TRDN: variants seen among roughly 807,000 people sequenced by gnomAD.
The protein encoded by TRDN is triadin.
TRDN carries 161 observed loss-of-function variants against 149.7 expected under a neutral mutation model. That is an observed-to-expected ratio of 1.08 (90% CI 0.95 to 1.23). TRDN has a LOEUF of 1.23. TRDN is among the 50% of genes most tolerant of loss of function. The pLI is 0.00. For synonymous variants in TRDN, 294 were observed against 250.5 expected (o/e 1.17, Z -1.64); for missense variants, 896 against 823.5 (o/e 1.09, Z -1.08).
chr6:123,449,028 C>G (rs1775591018), intron 10 of TRDN, among the ~76,000 whole-genome samples: 1 of 152,028 alleles, frequency 6.6e-6, no homozygotes, highest in South Asian at 2.1e-4. Flanking sequence ...GGGGAGAGTA[C>G]TACATCAAGA....
chr6:123,217,890 T>C lies in TRDN; in HGVS notation c.*711A>G, dbSNP rs1033334614. On this transcript the variant is annotated 3_prime_UTR_variant, in exon 41 of 41. Coordinates refer to ENST00000334268, the MANE Select transcript of TRDN (RefSeq NM_006073.4). Reference sequence around the variant, plus strand: ...CAAACGATTCACCAGACCTGACTAATTGAATGGTGTATTTCCACTGGACTG... The same window carrying C: ...CAAACGATTCACCAGACCTGACTAACTGAATGGTGTATTTCCACTGGACTG... The C allele has an allele frequency of 2.6e-5, 4 of 151,974 alleles. No individual in the cohort carries two copies. The highest frequency in any genetic ancestry group is 2.1e-4 in the South Asian group (1 of 4,830). The allele number at this position is 151,974 out of a possible 1,614,324, so 9.4% of individuals were successfully genotyped here.
At chr6:123,224,629 GA>G (rs1487801738) in intron 38 of TRDN, among the ~76,000 whole-genome samples, 8 of 151,642 alleles carry the variant, frequency 5.3e-5, no homozygotes. Context: ...ACTAATCTTT[GA>G]AAAAGGTACC....
Position 123,226,480 on chromosome 6 carries a change from CA to C in TRDN, c.1976-2350del, listed in dbSNP as rs569755654. Among the ~76,000 whole-genome samples, 5 of 151,860 alleles carry C rather than the reference CA, an allele frequency of 3.3e-5. No homozygotes were observed. The South Asian group carries it at 1.0e-3, about 31-fold the overall frequency. On this transcript the variant is annotated intron_variant, in intron 38 of 40. Coordinates refer to ENST00000334268, the MANE Select transcript of TRDN (RefSeq NM_006073.4). The stretch of plus-strand genomic sequence containing the variant: ...TTTATTACCACTAGAAAAATAAATA[CA>C]AATGGAAGGAATAAAGACCTCAGTG...
chr6:123,349,355 G>A (rs1050021179), intron 21 of TRDN: 2 of 182,744 alleles, frequency 1.1e-5, no homozygotes, highest in South Asian at 1.8e-4. Flanking sequence ...TCTTCTCTCC[G>A]AAGCCCATGC....
At chr6:123,331,824 C>T in intron 23 of TRDN, 55 bp downstream of exon 23, 1 of 1,175,186 alleles carries the variant, frequency 8.5e-7, no homozygotes, top group Non-Finnish European at 1.2e-6. Context: ...TTGCAAATAA[C>T]TGAATATGCA....
At chr6:123,448,688 G>T (rs1458935648) in intron 10 of TRDN, among the ~76,000 whole-genome samples, 1 of 151,930 alleles carries the variant, frequency 6.6e-6, no homozygotes, top group African/African-American at 2.4e-5. Context: ...GCCCACTACT[G>T]GTCCCTCTCC....
intron 36 of TRDN, among the ~76,000 whole-genome samples, chr6:123,255,480 A>G (rs981985706): frequency 3.3e-4 from 50 of 152,282 alleles, no homozygotes; most frequent in Non-Finnish European, 4.9e-4. Flanking sequence ...AAACTATTTG[A>G]TAATTAAGAC....
chr6:123,528,199 A>G (rs1273863173), intron 5 of TRDN, among the ~76,000 whole-genome samples: 2 of 151,932 alleles, frequency 1.3e-5, no homozygotes, highest in Admixed American at 1.3e-4. Flanking sequence ...ACACTATAAA[A>G]TCAATTAGTT....
At chr6:123,270,406 A>G (rs1327303608) in intron 30 of TRDN, among the ~76,000 whole-genome samples, 2 of 151,928 alleles carry the variant, frequency 1.3e-5, no homozygotes, top group Admixed American at 1.3e-4. Flanking sequence ...TTATCTGATT[A>G]TCTCAGGGAA....
At chr6:123,457,436 G>T in intron 10 of TRDN, 1 of 338,280 alleles carries the variant, frequency 3.0e-6, no homozygotes, top group Non-Finnish European at 5.7e-6. Context: ...ATCAATAACA[G>T]GAAATCAAAA....
At chr6:123,574,427 T>C (rs1053383285) in intron 1 of TRDN, among the ~76,000 whole-genome samples, 3 of 151,964 alleles carry the variant, frequency 2.0e-5, no homozygotes, top group Non-Finnish European at 2.9e-5. Context: ...TTGTGCCAAA[T>C]TCACATCACT....
chr6:123,610,512 A>AT (rs1386761012), intron 1 of TRDN, among the ~76,000 whole-genome samples: 2 of 152,136 alleles, frequency 1.3e-5, no homozygotes, highest in Admixed American at 1.3e-4. Flanking sequence ...AAGGTAAGCA[A>AT]TTTTTTTCAT....
chr6:123,519,031 A>G (rs933371977), intron 5 of TRDN, among the ~76,000 whole-genome samples: 1 of 152,178 alleles, frequency 6.6e-6, no homozygotes, highest in African/African-American at 2.4e-5. Context: ...GAGTTTTCAT[A>G]TGGAAGAAGA....
chr6:123,250,245 G>T (rs1429297383), intron 38 of TRDN, among the ~76,000 whole-genome samples: 2 of 152,054 alleles, frequency 1.3e-5, no homozygotes, highest in African/African-American at 2.4e-5. Context: ...TGGAGGACCT[G>T]GTCCCTGCTA....
intron 1 of TRDN, among the ~76,000 whole-genome samples, chr6:123,600,171 T>C (rs1784216890): frequency 6.6e-6 from 1 of 152,032 alleles, no homozygotes; most frequent in South Asian, 2.1e-4. Context: ...GTATTAGAAA[T>C]GAACCCCTTT....
At chr6:123,585,569 C>G (rs1216247625) in intron 1 of TRDN, among the ~76,000 whole-genome samples, 1 of 152,162 alleles carries the variant, frequency 6.6e-6, no homozygotes, top group Non-Finnish European at 1.5e-5. Flanking sequence ...GCCGCTAAGC[C>G]AAGAAGATCT....
At chr6:123,512,737 T>C (rs1011478276) in intron 6 of TRDN, among the ~76,000 whole-genome samples, 5 of 152,178 alleles carry the variant, frequency 3.3e-5, no homozygotes, top group African/African-American at 4.8e-5. Context: ...TGTTGTTTGG[T>C]AGTTTCCCAA....
chr6:123,446,407 T>C lies in TRDN; in HGVS notation c.932-7404A>G, dbSNP rs1279439649. Among the ~76,000 whole-genome samples, 3 of 151,196 alleles carry C rather than the reference T, an allele frequency of 2.0e-5. No homozygotes were observed. In the East Asian group the frequency reaches 5.8e-4, roughly 29 times the overall value. On this transcript the variant is annotated intron_variant, in intron 10 of 40. Coordinates refer to ENST00000334268, the MANE Select transcript of TRDN (RefSeq NM_006073.4). Reference sequence around the variant, plus strand: ...ATAATAATAAAAGAAAATAAATAAATAAATGAATTACCTAAAAAGAAAAAA... The same window carrying C: ...ATAATAATAAAAGAAAATAAATAAACAAATGAATTACCTAAAAAGAAAAAA...
intron 5 of TRDN, among the ~76,000 whole-genome samples, chr6:123,520,553 TTC>T (rs1779622672): frequency 6.6e-6 from 1 of 152,210 alleles, no homozygotes. Flanking sequence ...ATGCACATAC[TTC>T]TTTTTCATAA....
Sources: gnomAD v4.1 joint callset for allele counts (sites outside exome capture counted in the v4.1 genomes callset) on GRCh38, gnomAD v4.1.1 for gene constraint, MANE v1.5 for transcripts, NCBI Gene and HGNC (gene_info 2026-07-23, HGNC 2026-07-21) for gene names.